Variants in BCL2 observed in about 807,000 individuals in gnomAD.
The protein encoded by BCL2 is BCL2 apoptosis regulator.
BCL2 carries 1 observed loss-of-function variant against 14.2 expected under a neutral mutation model. The observed-to-expected ratio is 0.07, with a 90% confidence interval of 0.02 to 0.33. BCL2 has a LOEUF of 0.33. BCL2 is among the 10% of genes least tolerant of loss of function. The pLI, the probability that BCL2 is intolerant of heterozygous loss-of-function variation, is 0.99. For synonymous variants in BCL2, 151 were observed against 137.2 expected (o/e 1.10, Z -0.70); for missense variants, 247 against 305.9 (o/e 0.81, Z 1.44).
At chr18:63,288,740 A>G (rs1912546316) in intron 2 of BCL2, among the ~76,000 whole-genome samples, 1 of 152,242 alleles carries the variant, frequency 6.6e-6, no homozygotes, top group Admixed American at 6.5e-5. Flanking sequence ...CTACCAAGAA[A>G]GCATAATGTT....
At chr18:63,248,959 G>T (rs911851051) in intron 2 of BCL2, among the ~76,000 whole-genome samples, 4 of 152,172 alleles carry the variant, frequency 2.6e-5, no homozygotes, top group African/African-American at 7.2e-5. Context: ...CCTGTAAGAT[G>T]CTACTTGGGT....
At chr18:63,281,877 A>G (rs1378754618) in intron 2 of BCL2, among the ~76,000 whole-genome samples, 1 of 152,174 alleles carries the variant, frequency 6.6e-6, no homozygotes, top group East Asian at 1.9e-4. Context: ...CCTTAGGCTG[A>G]CGGTTTGTTT....
At position 63,260,974 on chromosome 18, in the gene BCL2, G is replaced by A. The variant is rs370864957; in HGVS notation, c.585+57108C>T. Among the ~76,000 whole-genome samples, 65 of 152,246 alleles carry A rather than the reference G, an allele frequency of 4.3e-4. No homozygotes were observed. In the East Asian group the frequency reaches 6.2e-3, roughly 14 times the overall value. ...ACTTTTCCACAAAGAATTAAAAGAA[G>A]AAGAACAAATACAAAAATCAATTAA... is the stretch of plus-strand genomic sequence containing the variant. On this transcript the variant is annotated intron_variant, in intron 2 of 2. Transcript: ENST00000333681.
intron 2 of BCL2, among the ~76,000 whole-genome samples, chr18:63,162,658 CG>C (rs1159094096): frequency 1.3e-5 from 2 of 152,066 alleles, no homozygotes; most frequent in Non-Finnish European, 2.9e-5. Flanking sequence ...CAGCTACTGT[CG>C]CCTGATTTTC....
chr18:63,181,854 G>C (rs1200122725), intron 2 of BCL2, among the ~76,000 whole-genome samples: 2 of 152,228 alleles, frequency 1.3e-5, no homozygotes, highest in Non-Finnish European at 2.9e-5. Context: ...GATGCATGCA[G>C]GTTCCACAGA....
chr18:63,217,053 T>C (rs1454681402), intron 2 of BCL2, among the ~76,000 whole-genome samples: 2 of 152,220 alleles, frequency 1.3e-5, no homozygotes, highest in East Asian at 1.9e-4. Context: ...TGAGACGCCA[T>C]GCCAACCACC....
At chr18:63,218,156 GC>G (rs1288958453) in intron 2 of BCL2, among the ~76,000 whole-genome samples, 3 of 152,168 alleles carry the variant, frequency 2.0e-5, no homozygotes, top group African/African-American at 7.2e-5. Context: ...TCTCAGTATG[GC>G]CTTTTCATCA....
At chr18:63,194,664 A>G (rs1909394243) in intron 2 of BCL2, among the ~76,000 whole-genome samples, 1 of 152,272 alleles carries the variant, frequency 6.6e-6, no homozygotes, top group South Asian at 2.1e-4. Flanking sequence ...CTACAAAAAA[A>G]TCAGCAGATA....
intron 2 of BCL2, among the ~76,000 whole-genome samples, chr18:63,156,087 C>CAAAAAAAAAAA (rs10640757): frequency 1.6e-5 from 1 of 64,252 alleles, no homozygotes; most frequent in Non-Finnish European, 3.0e-5. Flanking sequence ...GCTGAGAAGC[C>CAAAAAAAAAAA]AAAAAAAAAA....
chr18:63,162,366 G>A (rs28460613), intron 2 of BCL2, among the ~76,000 whole-genome samples: 1,943 of 152,176 alleles, frequency 0.013, 48 homozygotes, highest in African/African-American at 0.043. Flanking sequence ...CCACCAACAC[G>A]TCTTCATTGC....
chr18:63,155,565 G>T (rs1452234117), intron 2 of BCL2, among the ~76,000 whole-genome samples: 2 of 152,172 alleles, frequency 1.3e-5, no homozygotes, highest in Admixed American at 1.3e-4. Context: ...TGCCGTTGTT[G>T]CCTTTAGGCT....
intron 2 of BCL2, among the ~76,000 whole-genome samples, chr18:63,135,120 G>C (rs1914176134): frequency 6.6e-6 from 1 of 152,214 alleles, no homozygotes; most frequent in Non-Finnish European, 1.5e-5. Context: ...ATTCCTTACA[G>C]TGTGTATTCA....
At chr18:63,224,922 G>A (rs2144166950) in intron 2 of BCL2, among the ~76,000 whole-genome samples, 1 of 152,146 alleles carries the variant, frequency 6.6e-6, no homozygotes, top group East Asian at 1.9e-4. Flanking sequence ...CAACACAGAA[G>A]AAAAGGCAAA....
At chr18:63,245,990 T>A (rs1911141313) in intron 2 of BCL2, among the ~76,000 whole-genome samples, 1 of 152,202 alleles carries the variant, frequency 6.6e-6, no homozygotes, top group Non-Finnish European at 1.5e-5. Flanking sequence ...GACTTTCTAA[T>A]CTGTGAAAGG....
intron 2 of BCL2, among the ~76,000 whole-genome samples, chr18:63,169,665 G>C (rs1033156495): frequency 6.6e-6 from 1 of 151,674 alleles, no homozygotes; most frequent in Non-Finnish European, 1.5e-5. Context: ...TGGGACTACA[G>C]TGTGTGTGAC....
intron 2 of BCL2, among the ~76,000 whole-genome samples, chr18:63,157,760 A>G (rs968103864): frequency 6.6e-6 from 1 of 151,980 alleles, no homozygotes; most frequent in African/African-American, 2.4e-5. Flanking sequence ...CTTCCCAAAC[A>G]CTGAAATAGG....
chr18:63,194,602 G>A (rs1909391858), intron 2 of BCL2, among the ~76,000 whole-genome samples: 1 of 152,084 alleles, frequency 6.6e-6, no homozygotes, highest in African/African-American at 2.4e-5. Flanking sequence ...TAGAGATTGA[G>A]GTTGGCACAT....
In BCL2 at chr18:63,199,573, A is replaced by T. The variant is rs554668999; in HGVS notation, c.586-70814T>A. ...CACACACACAGATACCACACAACAC[A>T]CACACAGATACAGACACAACATAGA... On this transcript the variant is annotated intron_variant, in intron 2 of 2. Coordinates refer to ENST00000333681, the MANE Select transcript of BCL2 (RefSeq NM_000633.3). 1.9e-3 allele frequency among the ~76,000 whole-genome samples: 292 copies of T among 152,038 alleles called. 3 individuals carry two copies. In the Middle Eastern group the frequency reaches 0.031, roughly 16 times the overall value.
chr18:63,304,683 T>C (rs1193492767), intron 2 of BCL2, among the ~76,000 whole-genome samples: 1 of 152,188 alleles, frequency 6.6e-6, no homozygotes, highest in African/African-American at 2.4e-5. Flanking sequence ...GATTATTTCA[T>C]CCACCCACGT....
Sources: allele counts gnomAD v4.1 joint callset (sites outside exome capture counted in the v4.1 genomes callset), GRCh38; gene constraint gnomAD v4.1.1; transcripts MANE v1.5; gene names NCBI Gene and HGNC (gene_info 2026-07-23, HGNC 2026-07-21).